Variants in PCYT1A observed in about 807,000 individuals in gnomAD.
The protein encoded by PCYT1A is phosphate cytidylyltransferase 1A, choline.
Under a neutral mutation model 43.7 loss-of-function variants are expected in PCYT1A, and 25 were observed. That is an observed-to-expected ratio of 0.57 (90% CI 0.42 to 0.80). The LOEUF (loss-of-function observed/expected upper bound fraction) is 0.80, where lower values mean the gene tolerates loss of function less well. Ranked by LOEUF, PCYT1A falls within the 30% of genes least tolerant of loss-of-function variation. PCYT1A has a pLI of 0.00. For synonymous variants in PCYT1A, 172 were observed against 170.7 expected (o/e 1.01, Z -0.06); for missense variants, 421 against 474.2 (o/e 0.89, Z 1.04).
intron 2 of PCYT1A, among the ~76,000 whole-genome samples, chr3:196,269,078 A>G (rs1294904034): frequency 6.6e-6 from 1 of 152,238 alleles, no homozygotes; most frequent in Non-Finnish European, 1.5e-5. Flanking sequence ...TGGACCCTCC[A>G]GCTCTGCCAA....
chr3:196,238,027 C>T lies in PCYT1A; in HGVS notation c.*661G>A, dbSNP rs1224641811. On this transcript the variant is annotated 3_prime_UTR_variant, in exon 9 of 9. Transcript: ENST00000431016. ...CCATCCCCATCAGTGTCTTCATGGA[C>T]CCCATTGGGTCCAACAAGAAACTCC... is the stretch of plus-strand genomic sequence containing the variant. 1 of 152,208 alleles carries T rather than the reference C, an allele frequency of 6.6e-6. No individual in the cohort carries two copies. Among genetic ancestry groups the T allele is most frequent in the Non-Finnish European group, 1.5e-5 (1 of 68,044 alleles). 9.4% of individuals were successfully genotyped at this position (152,208 alleles called of 1,614,324 possible).
intron 2 of PCYT1A, among the ~76,000 whole-genome samples, chr3:196,266,887 AT>A (rs931466997): frequency 1.3e-5 from 2 of 151,618 alleles, no homozygotes; most frequent in African/African-American, 4.8e-5. Context: ...AAAAAAAAAA[AT>A]TGCCGGGCAC....
At chr3:196,243,009 G>A (rs1368795171) in intron 5 of PCYT1A, 2 of 236,728 alleles carry the variant, frequency 8.4e-6, no homozygotes, top group Non-Finnish European at 1.7e-5. Flanking sequence ...GGTCTGGAAG[G>A]ATTTGGTCAA....
chr3:196,260,371 A>G (rs1209138588), intron 2 of PCYT1A, among the ~76,000 whole-genome samples: 2 of 152,232 alleles, frequency 1.3e-5, no homozygotes, highest in Non-Finnish European at 2.9e-5. Flanking sequence ...AGGCAATAAC[A>G]AACAGTCTTG....
At chr3:196,285,088 A>C (rs888426369) in intron 1 of PCYT1A, among the ~76,000 whole-genome samples, 2 of 152,120 alleles carry the variant, frequency 1.3e-5, no homozygotes, top group Admixed American at 1.3e-4. Flanking sequence ...AGATTAATAC[A>C]CTGTACGATA....
rs780201072 is a variant in PCYT1A at position 196,238,730 on chromosome 3, G to C, written c.1062C>G (p.His354Gln). 2.5e-6 allele frequency: 4 copies of C among 1,591,452 alleles called. No individual in the cohort carries two copies. The Admixed American group carries it at 5.3e-5, about 21-fold the overall frequency. The change falls in exon 9 of 9, where the codon CAC (histidine) becomes CAG (glutamine). Residue 354 changes from histidine (H) to glutamine (Q), a missense_variant. His to Gln is a conservative substitution (Grantham distance 24, BLOSUM62 0). Transcript: ENST00000431016. Reference sequence around the variant, plus strand: ...CACTGATATCATAGGCTGCAGCCTTGTGCCTGGAGAGATTTGCTGGGGAGC... The same window carrying C: ...CACTGATATCATAGGCTGCAGCCTTCTGCCTGGAGAGATTTGCTGGGGAGC... ...PPCSPANLSR[H>Q]KAAAYDISED...
intron 3 of PCYT1A, among the ~76,000 whole-genome samples, chr3:196,250,252 C>T (rs980019206): frequency 2.7e-5 from 4 of 149,234 alleles, no homozygotes; most frequent in Admixed American, 6.7e-5. Flanking sequence ...TACACCATGC[C>T]GAGGCTGAGG....
At chr3:196,278,168 A>G (rs948540253) in intron 1 of PCYT1A, among the ~76,000 whole-genome samples, 2 of 152,170 alleles carry the variant, frequency 1.3e-5, no homozygotes, top group Non-Finnish European at 2.9e-5. Context: ...ACATCCTAAC[A>G]TCGTGTTGGC....
In PCYT1A at chr3:196,237,876, T is replaced by C. The variant is rs1724215032; in HGVS notation, c.*812A>G. ...CTCCTCATCATTGTAACTCTAAAAG[T>C]GTTCCTTCCTTCGAAGGTAGATGGC... On this transcript the variant is annotated 3_prime_UTR_variant, in exon 9 of 9. Transcript: ENST00000431016. 6.6e-6 allele frequency: 1 copy of C among 152,170 alleles called. No individual in the cohort carries two copies. 9.4% of individuals were successfully genotyped at this position (152,170 alleles called of 1,614,324 possible). A position where few individuals can be genotyped will look rare whatever the true frequency, so the allele number is the denominator to read the frequency against.
At chr3:196,239,427 G>C (rs1323040959) in intron 8 of PCYT1A, 120 bp downstream of exon 8, 1 of 617,514 alleles carries the variant, frequency 1.6e-6, no homozygotes, top group African/African-American at 1.8e-5. Context: ...AGATAGTTCT[G>C]CCCAGATAAG....
At chr3:196,274,539 G>A (rs556560852) in intron 1 of PCYT1A, among the ~76,000 whole-genome samples, 1 of 152,292 alleles carries the variant, frequency 6.6e-6, no homozygotes, top group East Asian at 1.9e-4. Context: ...GAAATTGGGG[G>A]TAGGGGAAAC....
intron 3 of PCYT1A, chr3:196,251,302 C>T (rs1047275712): frequency 1.8e-4 from 31 of 174,816 alleles, no homozygotes; most frequent in Non-Finnish European, 3.4e-4. Context: ...GGTTGAGGAT[C>T]AGATACACTA....
intron 2 of PCYT1A, 78 bp from the exon 3 acceptor site, chr3:196,257,965 G>C: frequency 1.2e-6 from 1 of 800,324 alleles, no homozygotes; most frequent in Non-Finnish European, 2.1e-6. Context: ...AAAAAGATGA[G>C]AGAAAGGAGA....
intron 8 of PCYT1A, 141 bp downstream of exon 8, chr3:196,239,406 G>A (rs1046330694): frequency 6.2e-5 from 34 of 544,762 alleles, no homozygotes; most frequent in Non-Finnish European, 9.4e-5. Flanking sequence ...ACCTTGCTGG[G>A]GACAGTTGAA....
chr3:196,253,336 C>CAAAAAAAGAAAAA (rs1724859576), intron 3 of PCYT1A, among the ~76,000 whole-genome samples: 1 of 105,972 alleles, frequency 9.4e-6, no homozygotes, highest in African/African-American at 3.5e-5. Flanking sequence ...GACTCTGTCT[C>CAAAAAAAGAAAAA]AAAAAAAAAA....
intron 5 of PCYT1A, among the ~76,000 whole-genome samples, chr3:196,246,444 C>T (rs1226511647): frequency 6.6e-6 from 1 of 151,822 alleles, no homozygotes; most frequent in East Asian, 1.9e-4. Context: ...GTATGTTGCC[C>T]AGGCTGGTCT....
At chr3:196,278,152 G>C (rs557755257) in intron 1 of PCYT1A, among the ~76,000 whole-genome samples, 33 of 152,296 alleles carry the variant, frequency 2.2e-4, no homozygotes, top group African/African-American at 7.7e-4. Flanking sequence ...ACTGAAGACA[G>C]TAAATACATC....
At chr3:196,264,743 T>C (rs182749990) in intron 2 of PCYT1A, among the ~76,000 whole-genome samples, 1 of 152,302 alleles carries the variant, frequency 6.6e-6, no homozygotes, top group East Asian at 1.9e-4. Flanking sequence ...AGAGATTGAC[T>C]TTGTAACTTC....
chr3:196,238,433 A>G lies in PCYT1A; in HGVS notation c.*255T>C. On this transcript the variant is annotated 3_prime_UTR_variant, in exon 9 of 9. Coordinates refer to ENST00000431016, the MANE Select transcript of PCYT1A (RefSeq NM_001312673.2). ...GAGATCACGTGAACATAAACAGTGA[A>G]ACAAAGCCCTTGGGGGGGGGTAAAT... The G allele has an allele frequency of 3.0e-6, 1 of 338,428 alleles. No homozygotes were observed. Among genetic ancestry groups the G allele is most frequent in the East Asian group, 4.4e-5 (1 of 22,812 alleles). 21.0% of individuals were successfully genotyped at this position (338,428 alleles called of 1,614,324 possible). A position where few individuals can be genotyped will look rare whatever the true frequency, so the allele number is the denominator to read the frequency against.
Sources: gnomAD v4.1 joint callset for allele counts (sites outside exome capture counted in the v4.1 genomes callset) on GRCh38, gnomAD v4.1.1 for gene constraint, MANE v1.5 for transcripts, NCBI Gene and HGNC (gene_info 2026-07-23, HGNC 2026-07-21) for gene names.